CMSS1: variants seen among roughly 807,000 people sequenced by gnomAD.
CMSS1 encodes protein CMSS1.
Under a neutral mutation model 43.5 loss-of-function variants are expected in CMSS1, and 33 were observed. The observed-to-expected ratio is 0.76, with a 90% confidence interval of 0.57 to 1.01. The LOEUF (loss-of-function observed/expected upper bound fraction) is 1.01. Ranked by LOEUF, CMSS1 falls within the 50% of genes least tolerant of loss-of-function variation. CMSS1 has a pLI of 0.00. For missense variants in CMSS1, 313 were observed against 326.4 expected (o/e 0.96, Z 0.32); for synonymous variants, 115 against 117.2 (o/e 0.98, Z 0.12).
intron 1 of CMSS1, among the ~76,000 whole-genome samples, chr3:100,005,549 T>C (rs2107178513): frequency 6.6e-6 from 1 of 152,332 alleles, no homozygotes; most frequent in East Asian, 1.9e-4. Flanking sequence ...GTGAGTGTAG[T>C]GTAATAAACC....
intron 1 of CMSS1, among the ~76,000 whole-genome samples, chr3:100,135,357 A>G (rs567531332): frequency 6.6e-6 from 1 of 152,014 alleles, no homozygotes; most frequent in East Asian, 1.9e-4. Context: ...GGGAGCTTTA[A>G]CATTGCCTGA....
chr3:100,085,068 A>G (rs1057001139), intron 1 of CMSS1, among the ~76,000 whole-genome samples: 4 of 152,138 alleles, frequency 2.6e-5, no homozygotes, highest in Non-Finnish European at 4.4e-5. Flanking sequence ...GAATCTCCTA[A>G]ACTAAGCCGT....
intron 1 of CMSS1, among the ~76,000 whole-genome samples, chr3:99,945,934 C>T (rs1220057866): frequency 3.9e-5 from 6 of 152,228 alleles, no homozygotes; most frequent in Non-Finnish European, 1.5e-5. Context: ...GTGTCCACAG[C>T]GTGCAACTCA....
At chr3:100,144,076 T>C (rs1035934671) in intron 1 of CMSS1, among the ~76,000 whole-genome samples, 2 of 152,226 alleles carry the variant, frequency 1.3e-5, no homozygotes, top group African/African-American at 4.8e-5. Context: ...TTCATTGATA[T>C]GTTGGGGGTT....
intron 1 of CMSS1, chr3:99,833,265 G>A (rs768831060): frequency 6.2e-7 from 1 of 1,609,770 alleles, no homozygotes; most frequent in Non-Finnish European, 8.5e-7. Context: ...GTTCCACCTA[G>A]GGAGCAGTAG....
intron 1 of CMSS1, chr3:99,898,193 T>C (rs1706321335): frequency 6.6e-6 from 1 of 152,220 alleles, no homozygotes; most frequent in Admixed American, 6.5e-5. Flanking sequence ...TATTTTGACA[T>C]TTTTGAAGGT....
chr3:99,840,879 T>C (rs758084952), intron 1 of CMSS1, among the ~76,000 whole-genome samples: 2 of 152,228 alleles, frequency 1.3e-5, no homozygotes, highest in African/African-American at 2.4e-5. Flanking sequence ...ATCTTTTCAC[T>C]TAACTGAGGC....
At chr3:99,933,184 A>G (rs993076918) in intron 1 of CMSS1, among the ~76,000 whole-genome samples, 6 of 152,220 alleles carry the variant, frequency 3.9e-5, no homozygotes, top group Non-Finnish European at 8.8e-5. Context: ...TAATGTCATT[A>G]TGCTGTATTG....
intron 1 of CMSS1, among the ~76,000 whole-genome samples, chr3:99,836,342 A>G (rs534944223): frequency 6.6e-6 from 1 of 152,314 alleles, no homozygotes; most frequent in South Asian, 2.1e-4. Flanking sequence ...TGGACCATCA[A>G]TAGAGGCGAG....
At chr3:99,868,419 G>GCC (rs1301877140) in intron 1 of CMSS1, among the ~76,000 whole-genome samples, 1 of 152,172 alleles carries the variant, frequency 6.6e-6, no homozygotes, top group African/African-American at 2.4e-5. Flanking sequence ...GCCTGAGACA[G>GCC]CCCCCTATAT....
chr3:100,046,034 G>A (rs2065273769), intron 1 of CMSS1, among the ~76,000 whole-genome samples: 1 of 152,174 alleles, frequency 6.6e-6, no homozygotes, highest in Admixed American at 6.5e-5. Flanking sequence ...TGCTTTGTTT[G>A]TTTATTTTTT....
At chr3:99,942,874 A>G (rs1707893007) in intron 1 of CMSS1, among the ~76,000 whole-genome samples, 1 of 152,136 alleles carries the variant, frequency 6.6e-6, no homozygotes, top group African/African-American at 2.4e-5. Flanking sequence ...TAAAAGAAAA[A>G]AAGAGAGTGC....
intron 2 of CMSS1, 142 bp downstream of exon 2, chr3:100,147,203 C>G (rs2066860021): frequency 1.3e-6 from 1 of 771,074 alleles, no homozygotes; most frequent in Non-Finnish European, 1.9e-6. Flanking sequence ...TTTGAAAAGG[C>G]CATGGGCCAT....
chr3:100,057,293 AGATGTTACT>A (rs1485501531), intron 1 of CMSS1, among the ~76,000 whole-genome samples: 5 of 152,222 alleles, frequency 3.3e-5, no homozygotes, highest in African/African-American at 1.2e-4. Flanking sequence ...GAAAGCAGTG[AGATGTTACT>A]TTAAGGAAAG....
At chr3:100,044,872 C>G (rs1038705919) in intron 1 of CMSS1, among the ~76,000 whole-genome samples, 9 of 152,172 alleles carry the variant, frequency 5.9e-5, no homozygotes, top group Non-Finnish European at 8.8e-5. Context: ...GTAGAGCTGA[C>G]AGGACTAGTG....
intron 1 of CMSS1, chr3:99,850,128 A>G: frequency 6.2e-7 from 1 of 1,612,404 alleles, no homozygotes; most frequent in South Asian, 1.1e-5. Context: ...CTTGTAATTT[A>G]TCTTCAGTTT....
At chr3:99,973,761 T>A (rs1481160328) in intron 1 of CMSS1, among the ~76,000 whole-genome samples, 1 of 152,224 alleles carries the variant, frequency 6.6e-6, no homozygotes, top group Non-Finnish European at 1.5e-5. Flanking sequence ...TGGGTAGCTT[T>A]ATAATGAAGG....
intron 1 of CMSS1, among the ~76,000 whole-genome samples, chr3:99,819,777 C>G (rs915566425): frequency 4.1e-5 from 6 of 145,112 alleles, no homozygotes; most frequent in African/African-American, 1.3e-4. Context: ...TTTTTTGACA[C>G]GGAGTCTCCC....
intron 1 of CMSS1, chr3:99,850,174 A>G (rs748606097): frequency 2.5e-6 from 4 of 1,610,822 alleles, no homozygotes; most frequent in East Asian, 4.5e-5. Context: ...CCGTTCATCT[A>G]CAAACATCAC....
Sources: gnomAD v4.1 joint callset for allele counts (sites outside exome capture counted in the v4.1 genomes callset) on GRCh38, gnomAD v4.1.1 for gene constraint, MANE v1.5 for transcripts, NCBI Gene and HGNC (gene_info 2026-07-23, HGNC 2026-07-21) for gene names.